Variants in CRYL1 observed in about 807,000 individuals in gnomAD.
CRYL1 encodes crystallin lambda 1.
Under a neutral mutation model 36.6 loss-of-function variants are expected in CRYL1, and 29 were observed. That is an observed-to-expected ratio of 0.79 (90% confidence interval 0.59 to 1.08). CRYL1 has a LOEUF of 1.08. Among genes scored for constraint, CRYL1 ranks in the 50% least tolerant of loss-of-function variants. The probability of loss-of-function intolerance (pLI) is 0.00; values close to 1 mark genes in which losing one functional copy is unlikely to be tolerated. For missense variants in CRYL1, 411 were observed against 407.9 expected (o/e 1.01, Z -0.06); for synonymous variants, 152 against 151.5 (o/e 1.00, Z -0.02).
chr13:20,507,786 C>T (rs527748178), intron 2 of CRYL1, among the ~76,000 whole-genome samples: 112 of 151,182 alleles, frequency 7.4e-4, no homozygotes, highest in African/African-American at 2.0e-3. Flanking sequence ...GGCGTGGTGG[C>T]GAGCACCTGT....
intron 3 of CRYL1, among the ~76,000 whole-genome samples, chr13:20,460,941 G>A (rs1328026827): frequency 5.9e-5 from 9 of 152,296 alleles, no homozygotes; most frequent in East Asian, 1.9e-4. Flanking sequence ...CAAAGGGCTC[G>A]TGTAGGCAGC....
chr13:20,489,449 A>G lies in CRYL1; in HGVS notation c.197T>C (p.Leu66Pro), dbSNP rs2033467096. Reference sequence around the variant, plus strand: ...GAGTGACAGCTGCTCTTCCACACTCAGGGAGCCTTTCAGAGAACCTGCCTG... The same window carrying G: ...GAGTGACAGCTGCTCTTCCACACTCGGGGAGCCTTTCAGAGAACCTGCCTG... ...LEQAGSLKGSLSVEEQLSLIS... is the reference protein window; with the variant it reads ...LEQAGSLKGSPSVEEQLSLIS... The change falls in exon 3 of 8, where the codon CTG becomes CCG. Residue 66 changes from leucine to proline, a missense_variant. Transcript: ENST00000298248. 2 of 1,613,546 alleles carry G rather than the reference A, an allele frequency of 1.2e-6. No individual in the cohort carries two copies. Among genetic ancestry groups the G allele is most frequent in the Non-Finnish European group, 8.5e-7 (1 of 1,180,018 alleles).
At position 20,525,345 on chromosome 13, in the gene CRYL1, A is replaced by C. The variant is rs2034170923; in HGVS notation, c.41+409T>G. ...TAGTCTCAGTATTCTCATTCGTAAA[A>C]TGGGGATGAGAACACAGTCGTCGCA... On this transcript the variant is annotated intron_variant, in intron 1 of 7. Transcript: ENST00000298248. This position sits in a 1 kb window ranked among gnomAD's most constrained non-coding sequence, Gnocchi z 4.3. Among the ~76,000 whole-genome samples, 2 of 152,222 alleles carry C rather than the reference A, an allele frequency of 1.3e-5. No homozygotes were observed. Among genetic ancestry groups the C allele is most frequent in the Admixed American group, 1.3e-4 (2 of 15,288 alleles).
At chr13:20,485,987 C>T (rs150985138) in intron 3 of CRYL1, among the ~76,000 whole-genome samples, 3,040 of 152,142 alleles carry the variant, frequency 0.02, 112 homozygotes, top group African/African-American at 0.07. Flanking sequence ...GGCCTGATCT[C>T]GGCCCACTGC....
intron 3 of CRYL1, among the ~76,000 whole-genome samples, chr13:20,459,085 A>G (rs1441409581): frequency 6.6e-6 from 1 of 151,870 alleles, no homozygotes; most frequent in Admixed American, 6.6e-5. Context: ...AAATACAAAA[A>G]ATTAGCTGGG....
At chr13:20,427,312 G>T in intron 5 of CRYL1, 3 of 985,394 alleles carry the variant, frequency 3.0e-6, no homozygotes, top group Non-Finnish European at 3.6e-6. Flanking sequence ...CCAACTGGAA[G>T]AGAAACAAAA....
intron 3 of CRYL1, among the ~76,000 whole-genome samples, chr13:20,473,825 T>C (rs967854979): frequency 2.0e-5 from 3 of 152,062 alleles, no homozygotes; most frequent in African/African-American, 2.4e-5. Context: ...ATTTATACAA[T>C]AAAACAATGG....
Position 20,432,129 on chromosome 13 carries a change from G to T in CRYL1, c.606C>A (p.Ile202=). The change falls in exon 5 of 8, where the codon ATC becomes ATA. Residue 202 remains isoleucine (I), a synonymous_variant. Coordinates refer to ENST00000298248, the MANE Select transcript of CRYL1 (RefSeq NM_015974.3). ...CCACTAGCCGCCAGGCCTCGCTGAT[G>T]ATTGCATATTGCAGGCGGTTCAGAA... ...GFVLNRLQYA[I]ISEAWRLVEE... 1 of 1,614,176 alleles carries T rather than the reference G, an allele frequency of 6.2e-7. No individual in the cohort carries two copies.
At chr13:20,490,168 A>T (rs2033481658) in intron 2 of CRYL1, among the ~76,000 whole-genome samples, 2 of 152,160 alleles carry the variant, frequency 1.3e-5, no homozygotes, top group African/African-American at 4.8e-5. Context: ...AGGTGGGTGG[A>T]TCACTTGAGG....
intron 3 of CRYL1, among the ~76,000 whole-genome samples, chr13:20,442,695 A>C (rs1382091944): frequency 6.6e-6 from 1 of 152,196 alleles, no homozygotes; most frequent in African/African-American, 2.4e-5. Context: ...ACTAGCAAAA[A>C]TTCTACCACT....
Position 20,525,621 on chromosome 13 carries a change from A to C in CRYL1, c.41+133T>G, listed in dbSNP as rs2034176972. ...CAGCGCCGTAGGGGCCGCAGGGCGC[A>C]GGGCTTCGGAGGACCGGAGGCCGGG... On this transcript the variant is annotated intron_variant, in intron 1 of 7. Coordinates refer to ENST00000298248, the MANE Select transcript of CRYL1 (RefSeq NM_015974.3). This position sits in a 1 kb window ranked among gnomAD's most constrained non-coding sequence, Gnocchi z 4.3. 2 of 705,876 alleles carry C rather than the reference A, an allele frequency of 2.8e-6. No individual in the cohort carries two copies. Among genetic ancestry groups the C allele is most frequent in the Non-Finnish European group, 3.9e-6 (2 of 509,810 alleles). The allele number at this position is 705,876 out of a possible 1,614,324, so 43.7% of individuals were successfully genotyped here.
intron 3 of CRYL1, among the ~76,000 whole-genome samples, chr13:20,447,439 C>G (rs1565967117): frequency 6.6e-6 from 1 of 152,050 alleles, no homozygotes; most frequent in Non-Finnish European, 1.5e-5. Context: ...CCAGGGAGAG[C>G]CAGGAGCACT....
intron 2 of CRYL1, among the ~76,000 whole-genome samples, chr13:20,490,883 T>C (rs1196199230): frequency 1.3e-5 from 2 of 152,160 alleles, no homozygotes; most frequent in African/African-American, 2.4e-5. Context: ...TTTTGGGTTT[T>C]GTTTTGTTTT....
rs1179533995 is a variant in CRYL1 at position 20,508,848 on chromosome 13, C to CAAAAA, written c.149+3590_149+3594dup. On this transcript the variant is annotated intron_variant, in intron 2 of 7. Transcript: ENST00000298248. Reference sequence around the variant, plus strand: ...CGGCCTAGGTGGCAGAGCGAGACTCCAAAAAAAAAAAAAAAAAAAAAAAAA... The same window carrying CAAAAA: ...CGGCCTAGGTGGCAGAGCGAGACTCCAAAAAAAAAAAAAAAAAAAAAAAAAAAAAA... Among the ~76,000 whole-genome samples, 72 of 10,436 alleles carry CAAAAA rather than the reference C, an allele frequency of 6.9e-3. 5 individuals carry two copies. The highest frequency in any genetic ancestry group is 0.022 in the African/African-American group (70 of 3,124). 6.8% of individuals were successfully genotyped at this position (10,436 alleles called of 152,430 possible). A position where few individuals can be genotyped will look rare whatever the true frequency, so the allele number is the denominator to read the frequency against.
chr13:20,441,460 A>C (rs1257243110), intron 3 of CRYL1, among the ~76,000 whole-genome samples: 1 of 152,154 alleles, frequency 6.6e-6, no homozygotes, highest in East Asian at 1.9e-4. Context: ...TTTCCTCTCC[A>C]TCCCAGCTAC....
chr13:20,488,263 G>C (rs929970267), intron 3 of CRYL1, among the ~76,000 whole-genome samples: 4 of 152,112 alleles, frequency 2.6e-5, no homozygotes, highest in African/African-American at 9.7e-5. Flanking sequence ...TGCAACTACG[G>C]GTAGAAACAG....
chr13:20,473,379 A>G (rs1477733328), intron 3 of CRYL1, among the ~76,000 whole-genome samples: 1 of 152,238 alleles, frequency 6.6e-6, no homozygotes, highest in Admixed American at 6.5e-5. Flanking sequence ...TCAGTGAGTC[A>G]TTCAAACAAA....
chr13:20,432,438 G>A (rs1385131511), intron 4 of CRYL1, 142 bp from the exon 5 acceptor site: 2 of 549,988 alleles, frequency 3.6e-6, no homozygotes, highest in South Asian at 6.4e-5. Flanking sequence ...AGATACTTGA[G>A]AAAGAAATTT....
At chr13:20,418,134 G>GT (rs2031715312) in intron 5 of CRYL1, among the ~76,000 whole-genome samples, 2 of 152,152 alleles carry the variant, frequency 1.3e-5, no homozygotes, top group Non-Finnish European at 2.9e-5. Context: ...ACTGGATTTA[G>GT]CCCACCCAGA....
Sources: allele counts gnomAD v4.1 joint callset (sites outside exome capture counted in the v4.1 genomes callset), GRCh38; gene constraint gnomAD v4.1.1; non-coding constraint Gnocchi (gnomAD v3.1); transcripts MANE v1.5; gene names NCBI Gene and HGNC (gene_info 2026-07-23, HGNC 2026-07-21).